The following FRS2 variants were observed in gnomAD, a reference collection of about 807,000 sequenced individuals.
The protein encoded by FRS2 is fibroblast growth factor receptor substrate 2.
A neutral mutation model predicts 43.9 loss-of-function variants in FRS2; 8 were observed. The observed-to-expected ratio is 0.18, with a 90% CI of 0.11 to 0.33. FRS2 has a LOEUF of 0.33. FRS2 is among the 10% of genes least tolerant of loss of function. The pLI, the probability that FRS2 is intolerant of heterozygous loss-of-function variation, is 1.00. For synonymous variants in FRS2, 219 were observed against 220.3 expected (o/e 0.99, Z 0.05); for missense variants, 534 against 627.6 (o/e 0.85, Z 1.59).
rs565824451 is a variant in FRS2 at position 69,493,414 on chromosome 12, C to T, written c.-261+22884C>T. Among the ~76,000 whole-genome samples the T allele has an allele frequency of 7.2e-5, 11 of 152,240 alleles. No homozygotes were observed. The South Asian group carries it at 1.2e-3, about 17-fold the overall frequency. ...CTTTGAACCTGTTAAAATGTGCTGC[C>T]GTCATCTGAATTAAGAAATTTAGCT... On this transcript the variant is annotated intron_variant, in intron 1 of 8. Coordinates refer to ENST00000549921, the MANE Select transcript of FRS2 (RefSeq NM_001278356.2).
intron 1 of FRS2, among the ~76,000 whole-genome samples, chr12:69,514,422 CT>C (rs1465214685): frequency 2.6e-5 from 4 of 152,194 alleles, no homozygotes; most frequent in African/African-American, 9.6e-5. Flanking sequence ...TGAGCTCCTT[CT>C]GCTCTCTGCT....
rs768142080 is a variant in FRS2 at position 69,570,413 on chromosome 12, G to A, written c.149G>A (p.Arg50His). 49 of 1,611,880 alleles carry A rather than the reference G, an allele frequency of 3.0e-5. No individual in the cohort carries two copies. In the Middle Eastern group the frequency reaches 2.0e-3, roughly 65 times the overall value. ...LTDTELILYTRKRDSVKWHYL... is the reference protein window; with the variant it reads ...LTDTELILYTHKRDSVKWHYL... Reference sequence around the variant, plus strand: ...GACACAGAACTGATTTTATACACCCGCAAACGTGACTCAGTAAAATGGCAC... The same window carrying A: ...GACACAGAACTGATTTTATACACCCACAAACGTGACTCAGTAAAATGGCAC... Residue 50 changes from arginine to histidine, a missense_variant, in exon 6 of 9, where the codon CGC becomes CAC. Around this residue, in one of 3 missense-constraint regions of FRS2, gnomAD observed 76 missense variants for 90.5 expected, o/e 0.84. Coordinates refer to ENST00000549921, the MANE Select transcript of FRS2 (RefSeq NM_001278356.2).
At chr12:69,518,110 C>T (rs901098719) in intron 1 of FRS2, among the ~76,000 whole-genome samples, 1 of 152,128 alleles carries the variant, frequency 6.6e-6, no homozygotes, top group Admixed American at 6.6e-5. Context: ...TATTTCACAG[C>T]AGTAGTTCAG....
rs556566637 is a variant in FRS2 at position 69,472,074 on chromosome 12, C to T, written c.-261+1544C>T. Among the ~76,000 whole-genome samples the T allele has an allele frequency of 9.6e-4, 146 of 152,106 alleles. No individual in the cohort carries two copies. The Middle Eastern group carries it at 0.024, about 25-fold the overall frequency. On this transcript the variant is annotated intron_variant, in intron 1 of 8. Transcript: ENST00000549921. The stretch of plus-strand genomic sequence containing the variant: ...GATTAGCTGCACAACTTTTCTTTTT[C>T]CTCTTCCTTTCTTTTCTTTTTTCTT...
chr12:69,553,744 G>A (rs537903652), intron 3 of FRS2, among the ~76,000 whole-genome samples: 2 of 152,332 alleles, frequency 1.3e-5, no homozygotes, highest in East Asian at 3.9e-4. Context: ...GCTAAGGAAT[G>A]GGCGTAGGTG....
At chr12:69,483,223 G>A (rs939759362) in intron 1 of FRS2, among the ~76,000 whole-genome samples, 3 of 152,078 alleles carry the variant, frequency 2.0e-5, no homozygotes, top group African/African-American at 7.2e-5. Flanking sequence ...TTCCTTGTGC[G>A]TGCATGTGTA....
Position 69,569,038 on chromosome 12 carries a change from G to C in FRS2, c.8G>C (p.Ser3Thr). Reference sequence around the variant, plus strand: ...TGGTCTTCTGAAGAAGCCATGGGTAGCTGTTGTAGCTGTCCAGATAAAGAC... The same window carrying C: ...TGGTCTTCTGAAGAAGCCATGGGTACCTGTTGTAGCTGTCCAGATAAAGAC... Reference protein sequence around the residue: MGSCCSCPDKDTV... With the variant: MGTCCSCPDKDTV... Residue 3 changes from serine to threonine, a missense_variant, in exon 5 of 9, where the codon AGC (serine) becomes ACC (threonine). Ser to Thr is a moderately conservative substitution (Grantham distance 58). Coordinates refer to ENST00000549921, the MANE Select transcript of FRS2 (RefSeq NM_001278356.2). The C allele has an allele frequency of 6.2e-7, 1 of 1,609,884 alleles. No homozygotes were observed. The highest frequency in any genetic ancestry group is 1.1e-5 in the South Asian group (1 of 90,470).
intron 3 of FRS2, among the ~76,000 whole-genome samples, chr12:69,548,335 T>C (rs1878594707): frequency 1.3e-5 from 2 of 152,158 alleles, no homozygotes; most frequent in Non-Finnish European, 2.9e-5. Flanking sequence ...CTTGGATATA[T>C]TTTGAAGATA....
rs528913734 is a variant in FRS2, at chr12:69,571,888, A to G, written c.413-230A>G. On this transcript the variant is annotated intron_variant, in intron 7 of 8. Coordinates refer to ENST00000549921, the MANE Select transcript of FRS2 (RefSeq NM_001278356.2). ...CAAAAACAAAACAAAACAAAACAGA[A>G]CAAAAAAACACAGCCGTAGTTCTAA... Among the ~76,000 whole-genome samples the G allele has an allele frequency of 9.2e-5, 14 of 152,202 alleles. No homozygotes were observed. In the East Asian group the frequency reaches 2.7e-3, roughly 29 times the overall value.
chr12:69,551,308 G>A (rs928863210), intron 3 of FRS2, among the ~76,000 whole-genome samples: 17 of 152,058 alleles, frequency 1.1e-4, no homozygotes, highest in Admixed American at 9.2e-4. Flanking sequence ...AGCTTTGATC[G>A]CCCCACTACA....
intron 1 of FRS2, among the ~76,000 whole-genome samples, chr12:69,529,471 A>G (rs1876577364): frequency 6.6e-6 from 1 of 152,046 alleles, no homozygotes. Context: ...TAAAAATACA[A>G]AAATTAGCCA....
rs192483368 is a variant in FRS2 at position 69,562,873 on chromosome 12, G to A, written c.-27+599G>A. On this transcript the variant is annotated intron_variant, in intron 4 of 8. Coordinates refer to ENST00000549921, the MANE Select transcript of FRS2 (RefSeq NM_001278356.2). Reference sequence around the variant, plus strand: ...CCCAGCTAATTTTCTATTTTTTGTGGAGACAGAGTCTCACTGTGTTGCCCA... The same window carrying A: ...CCCAGCTAATTTTCTATTTTTTGTGAAGACAGAGTCTCACTGTGTTGCCCA... Among the ~76,000 whole-genome samples, 744 of 151,446 alleles carry A rather than the reference G, an allele frequency of 4.9e-3. 2 individuals carry two copies. Among genetic ancestry groups the A allele is most frequent in the Non-Finnish European group, 6.2e-3 (421 of 67,802 alleles).
intron 3 of FRS2, among the ~76,000 whole-genome samples, chr12:69,547,099 G>T (rs1400629746): frequency 6.6e-6 from 1 of 152,178 alleles, no homozygotes; most frequent in Non-Finnish European, 1.5e-5. Flanking sequence ...TATGCAAAGT[G>T]AAATAAGCCA....
chr12:69,482,428 C>A (rs544377107), intron 1 of FRS2, among the ~76,000 whole-genome samples: 3 of 152,264 alleles, frequency 2.0e-5, no homozygotes, highest in African/African-American at 7.2e-5. Context: ...CTTTTTCCCC[C>A]TAACCCTCTA....
intron 1 of FRS2, among the ~76,000 whole-genome samples, chr12:69,500,519 A>C (rs866052533): frequency 6.6e-6 from 1 of 152,222 alleles, no homozygotes; most frequent in South Asian, 2.1e-4. Flanking sequence ...AATGATGAAG[A>C]AAATGCATTC....
intron 3 of FRS2, among the ~76,000 whole-genome samples, chr12:69,541,222 G>A (rs1877872435): frequency 6.6e-6 from 1 of 152,088 alleles, no homozygotes; most frequent in South Asian, 2.1e-4. Flanking sequence ...TAGTAAAGGA[G>A]GATATCAGAT....
intron 1 of FRS2, among the ~76,000 whole-genome samples, chr12:69,497,829 C>T (rs1873048049): frequency 6.6e-6 from 1 of 152,192 alleles, no homozygotes; most frequent in Non-Finnish European, 1.5e-5. Flanking sequence ...TAAATACTTT[C>T]ACTTTTACTT....
At chr12:69,572,082 C>G in intron 7 of FRS2, 36 bp from the exon 8 acceptor site, 2 of 1,570,988 alleles carry the variant, frequency 1.3e-6, no homozygotes, top group Non-Finnish European at 1.7e-6. Context: ...CTCTGCCCCG[C>G]CCCCCTTTTC....
At chr12:69,534,922 T>A (rs376724731) in intron 3 of FRS2, among the ~76,000 whole-genome samples, 7 of 152,330 alleles carry the variant, frequency 4.6e-5, no homozygotes, top group African/African-American at 1.4e-4. Context: ...TATTGTTTTT[T>A]AAATTATTTA....
Sources: allele counts gnomAD v4.1 joint callset (sites outside exome capture counted in the v4.1 genomes callset), GRCh38; gene constraint gnomAD v4.1.1; regional missense constraint gnomAD v4.1.1; transcripts MANE v1.5; gene names NCBI Gene and HGNC (gene_info 2026-07-23, HGNC 2026-07-21).